The following ATXN10 variants were observed in gnomAD, a reference collection of about 807,000 sequenced individuals.
ATXN10 encodes the protein ataxin 10, also known as ataxin-10.
Under a neutral mutation model 52.9 loss-of-function variants are expected in ATXN10, and 28 were observed. The observed-to-expected ratio is 0.53, with a 90% CI of 0.39 to 0.73. The LOEUF (loss-of-function observed/expected upper bound fraction) is 0.73, where lower values mean the gene tolerates loss of function less well. Among genes scored for constraint, ATXN10 ranks in the 30% least tolerant of loss-of-function variants. The probability of loss-of-function intolerance (pLI) is 0.00; values close to 1 mark genes in which losing one functional copy is unlikely to be tolerated. For missense variants in ATXN10, 565 were observed against 577.0 expected (o/e 0.98, Z 0.21); for synonymous variants, 226 against 221.5 (o/e 1.02, Z -0.18).
At chr22:45,827,129 CCACACACACACACACACACA>C (rs57068887) in intron 10 of ATXN10, among the ~76,000 whole-genome samples, 4 of 146,712 alleles carry the variant, frequency 2.7e-5, no homozygotes, top group East Asian at 4.0e-4. Context: ...CCCATGGTAA[CCACACACACACACACACACA>C]CACACACACA....
In ATXN10 at chr22:45,682,844, C is replaced by T. The variant is rs1922983077; in HGVS notation, c.117-6868C>T. Among the ~76,000 whole-genome samples, 3 of 152,204 alleles carry T rather than the reference C, an allele frequency of 2.0e-5. No individual in the cohort carries two copies. The South Asian group carries it at 6.2e-4, about 31-fold the overall frequency. On this transcript the variant is annotated intron_variant, in intron 1 of 11. Coordinates refer to ENST00000252934, the MANE Select transcript of ATXN10 (RefSeq NM_013236.4). ...CATCATCAAGTCCTATTGGCTCTATCTTTAAAATATCCAGAATTTGATTTC... is the reference window on the plus strand; with the variant it reads ...CATCATCAAGTCCTATTGGCTCTATTTTTAAAATATCCAGAATTTGATTTC...
At position 45,784,683 on chromosome 22, in the gene ATXN10, T is replaced by C. The variant is rs758533802; in HGVS notation, c.1174-22276T>C. ...CACACAGCTTAGAGCAGGGCCCAAATTGACCTCATGGCTATTCTTACACAT... is the reference window on the plus strand; with the variant it reads ...CACACAGCTTAGAGCAGGGCCCAAACTGACCTCATGGCTATTCTTACACAT... On this transcript the variant is annotated intron_variant, in intron 9 of 11. Transcript: ENST00000252934. This position sits in a 1 kb window ranked among gnomAD's most constrained non-coding sequence, Gnocchi z 4.2. Among the ~76,000 whole-genome samples, 4 of 152,324 alleles carry C rather than the reference T, an allele frequency of 2.6e-5. No individual in the cohort carries two copies. The highest frequency in any genetic ancestry group is 2.9e-5 in the Non-Finnish European group (2 of 68,024).
rs1273266986 is a variant in ATXN10, at chr22:45,683,297, C to A, written c.117-6415C>A. 1.3e-5 allele frequency among the ~76,000 whole-genome samples: 2 copies of A among 152,166 alleles called. No homozygotes were observed. The highest frequency in any genetic ancestry group is 4.8e-5 in the African/African-American group (2 of 41,444). On this transcript the variant is annotated intron_variant, in intron 1 of 11. Coordinates refer to ENST00000252934, the MANE Select transcript of ATXN10 (RefSeq NM_013236.4). The surrounding 1 kb of genome is among the most constrained non-coding windows in gnomAD (Gnocchi z 4.8). ...TCCTGCCTCTGCACTCCAGCCTGGG[C>A]AACAGAGCAAAACTCTGTCTCAAAA...
chr22:45,810,512 C>CA (rs1394952237), intron 10 of ATXN10, among the ~76,000 whole-genome samples: 1 of 152,204 alleles, frequency 6.6e-6, no homozygotes. Flanking sequence ...TTACCACTAA[C>CA]AAAAACAATT....
chr22:45,825,812 G>T lies in ATXN10; in HGVS notation c.1238-17179G>T, dbSNP rs898920494. Among the ~76,000 whole-genome samples the T allele has an allele frequency of 1.3e-5, 2 of 152,230 alleles. No individual in the cohort carries two copies. The highest frequency in any genetic ancestry group is 3.8e-4 in the East Asian group (2 of 5,200). ...TATATGGACAAGCCCAGGTGCAGTG[G>T]CTGACACCAGTAATCCCAGCACCTA... On this transcript the variant is annotated intron_variant, in intron 10 of 11. Transcript: ENST00000252934. The surrounding 1 kb of genome is among the most constrained non-coding windows in gnomAD (Gnocchi z 4.5).
Position 45,795,401 on chromosome 22 carries a change from TTC to T in ATXN10, c.1174-11556_1174-11555del, listed in dbSNP as rs1252382499. ...TTCTATTCTATTCTATTCTATTCTA[TTC>T]TATTCTATTCTATTCTATTCTTTTT... On this transcript the variant is annotated intron_variant, in intron 9 of 11. Coordinates refer to ENST00000252934, the MANE Select transcript of ATXN10 (RefSeq NM_013236.4). The surrounding 1 kb of genome is among the most constrained non-coding windows in gnomAD (Gnocchi z 4.6). Among the ~76,000 whole-genome samples, 106 of 150,404 alleles carry T rather than the reference TTC, an allele frequency of 7.0e-4. No homozygotes were observed. Among genetic ancestry groups the T allele is most frequent in the African/African-American group, 2.6e-3 (103 of 40,280 alleles).
At chr22:45,729,766 C>T (rs5764830) in intron 7 of ATXN10, 176 bp downstream of exon 7, 2 of 758,830 alleles carry the variant, frequency 2.6e-6, no homozygotes, top group Non-Finnish European at 4.5e-6. Context: ...GTCCTTATTC[C>T]TACCATCCAG....
Position 45,840,638 on chromosome 22 carries a change from G to A in ATXN10, c.1238-2353G>A, listed in dbSNP as rs1929317226. ...AGGGTCTCACGTGCCCTGGAGTGGAGCAGTTTGATAGTCCCTTTCCTCCAG... is the reference window on the plus strand; with the variant it reads ...AGGGTCTCACGTGCCCTGGAGTGGAACAGTTTGATAGTCCCTTTCCTCCAG... On this transcript the variant is annotated intron_variant, in intron 10 of 11. Transcript: ENST00000252934. The surrounding 1 kb of genome is among the most constrained non-coding windows in gnomAD (Gnocchi z 5.8). 6.6e-6 allele frequency among the ~76,000 whole-genome samples: 1 copy of A among 152,202 alleles called. No individual in the cohort carries two copies. The highest frequency in any genetic ancestry group is 2.4e-5 in the African/African-American group (1 of 41,458).
At chr22:45,710,107 T>A (rs1471366394) in intron 5 of ATXN10, among the ~76,000 whole-genome samples, 1 of 152,246 alleles carries the variant, frequency 6.6e-6, no homozygotes, top group Non-Finnish European at 1.5e-5. Flanking sequence ...TTACTGTAGC[T>A]GTTGTCACTC....
rs139162422 is a variant in ATXN10, at chr22:45,817,257, C to T, written c.1237+10235C>T. On this transcript the variant is annotated intron_variant, in intron 10 of 11. Transcript: ENST00000252934. Reference sequence around the variant, plus strand: ...TGTTAATTGTTCAGTTATTGAAAACCCATTAGTGCTGTTTTGCTTTTAAGA... The same window carrying T: ...TGTTAATTGTTCAGTTATTGAAAACTCATTAGTGCTGTTTTGCTTTTAAGA... Among the ~76,000 whole-genome samples the T allele has an allele frequency of 3.9e-3, 599 of 151,966 alleles. 4 individuals carry two copies. The highest frequency in any genetic ancestry group is 0.013 in the African/African-American group (559 of 41,430).
At chr22:45,815,258 A>T (rs1044262678) in intron 10 of ATXN10, among the ~76,000 whole-genome samples, 19 of 152,244 alleles carry the variant, frequency 1.2e-4, no homozygotes, top group African/African-American at 4.1e-4. Context: ...TGTACAGTTC[A>T]TCTACCTGAA....
At chr22:45,810,198 A>G (rs537192427) in intron 10 of ATXN10, among the ~76,000 whole-genome samples, 2 of 152,268 alleles carry the variant, frequency 1.3e-5, no homozygotes, top group Admixed American at 1.3e-4. Flanking sequence ...CTGTAGCGCC[A>G]CCTTTATCAG....
At chr22:45,731,519 T>C (rs1423517209) in intron 7 of ATXN10, among the ~76,000 whole-genome samples, 2 of 152,172 alleles carry the variant, frequency 1.3e-5, no homozygotes, top group African/African-American at 4.8e-5. Flanking sequence ...AGTTCCTTTG[T>C]ATGCTGATAT....
chr22:45,821,882 T>C (rs1159309939), intron 10 of ATXN10, among the ~76,000 whole-genome samples: 1 of 152,182 alleles, frequency 6.6e-6, no homozygotes, highest in African/African-American at 2.4e-5. Context: ...ACTTGGCAAA[T>C]AATTATAAAG....
rs773320415 is a variant in ATXN10 at position 45,823,240 on chromosome 22, T to C, written c.1237+16218T>C. On this transcript the variant is annotated intron_variant, in intron 10 of 11. Coordinates refer to ENST00000252934, the MANE Select transcript of ATXN10 (RefSeq NM_013236.4). The surrounding 1 kb of genome is among the most constrained non-coding windows in gnomAD (Gnocchi z 4.9). The stretch of plus-strand genomic sequence containing the variant: ...GTAACTTCTGTTCTGACTTCTATGA[T>C]GTTTTAATGAATAAAAATTCCCAAT... 5.6e-5 allele frequency: 26 copies of C among 463,128 alleles called. No homozygotes were observed. Among genetic ancestry groups the C allele is most frequent in the African/African-American group, 5.3e-4 (26 of 49,394 alleles). 28.7% of individuals were successfully genotyped at this position (463,128 alleles called of 1,614,324 possible). A position where few individuals can be genotyped will look rare whatever the true frequency, so the allele number is the denominator to read the frequency against.
chr22:45,763,115 C>T lies in ATXN10; in HGVS notation c.1173+22577C>T, dbSNP rs1173453821. Among the ~76,000 whole-genome samples, 1 of 152,166 alleles carries T rather than the reference C, an allele frequency of 6.6e-6. No individual in the cohort carries two copies. The highest frequency in any genetic ancestry group is 1.5e-5 in the Non-Finnish European group (1 of 68,018). On this transcript the variant is annotated intron_variant, in intron 9 of 11. Transcript: ENST00000252934. This position sits in a 1 kb window ranked among gnomAD's most constrained non-coding sequence, Gnocchi z 6.9. The stretch of plus-strand genomic sequence containing the variant: ...TACAGCATTTTCATCTGGAAGGAGG[C>T]CTAGGAAATGATGTTTCTGTGGCCT...
At chr22:45,746,385 A>C (rs777172424) in intron 9 of ATXN10, among the ~76,000 whole-genome samples, 2 of 151,892 alleles carry the variant, frequency 1.3e-5, no homozygotes, top group Non-Finnish European at 2.9e-5. Flanking sequence ...AAAACTGAAA[A>C]AAAAAGTCTA....
In ATXN10 at chr22:45,718,026, C is replaced by G. The variant is rs1924511181; in HGVS notation, c.648-387C>G. Among the ~76,000 whole-genome samples the G allele has an allele frequency of 6.6e-6, 1 of 152,160 alleles. No homozygotes were observed. The highest frequency in any genetic ancestry group is 2.1e-4 in the South Asian group (1 of 4,830). On this transcript the variant is annotated intron_variant, in intron 5 of 11. Transcript: ENST00000252934. This position sits in a 1 kb window ranked among gnomAD's most constrained non-coding sequence, Gnocchi z 4.4. Reference sequence around the variant, plus strand: ...TAATGGAAGTGTGACAAGTCTTTCTCTGGTTCATTATAGCAGTTAGCTTCT... The same window carrying G: ...TAATGGAAGTGTGACAAGTCTTTCTGTGGTTCATTATAGCAGTTAGCTTCT...
chr22:45,793,510 A>G, intron 9 of ATXN10: 1 of 1,186,588 alleles, frequency 8.4e-7, no homozygotes. Context: ...GCTATTCTGA[A>G]TTCACGATTC....
Sources: allele counts gnomAD v4.1 joint callset (sites outside exome capture counted in the v4.1 genomes callset), GRCh38; gene constraint gnomAD v4.1.1; non-coding constraint Gnocchi (gnomAD v3.1); transcripts MANE v1.5; gene names NCBI Gene and HGNC (gene_info 2026-07-23, HGNC 2026-07-21).